SPTBN4: variants seen among roughly 807,000 people sequenced by gnomAD.
SPTBN4 encodes the protein spectrin beta chain, non-erythrocytic 4.
In SPTBN4, 96 loss-of-function variants were observed where a neutral mutation model predicts 277.8. That is an observed-to-expected ratio of 0.35 (90% CI 0.29 to 0.41). The LOEUF (loss-of-function observed/expected upper bound fraction) is 0.41. Ranked by LOEUF, SPTBN4 falls within the 10% of genes least tolerant of loss-of-function variation. SPTBN4 has a pLI of 1.00. For synonymous variants in SPTBN4, 1,481 were observed against 1,580.3 expected (o/e 0.94, Z 1.49); for missense variants, 3,006 against 3,595.7 (o/e 0.84, Z 4.19).
intron 13 of SPTBN4, among the ~76,000 whole-genome samples, chr19:40,512,175 A>G (rs1177734978): frequency 2.0e-5 from 3 of 152,250 alleles, no homozygotes; most frequent in Non-Finnish European, 4.4e-5. Context: ...CAGTTCTGAC[A>G]TAAGCACAAT....
chr19:40,554,037 G>A lies in SPTBN4; in HGVS notation c.4675-110G>A. The A allele has an allele frequency of 8.9e-7, 1 of 1,122,688 alleles. No individual in the cohort carries two copies. Among genetic ancestry groups the A allele is most frequent in the Non-Finnish European group, 1.2e-6 (1 of 843,854 alleles). 69.5% of individuals were successfully genotyped at this position (1,122,688 alleles called of 1,614,324 possible). A position where few individuals can be genotyped will look rare whatever the true frequency, so the allele number is the denominator to read the frequency against. ...CTTGGCACGTGGTTAGCGAGCTGGG[G>A]GTGCTTGTTAATTGCCCCGTGGGCC... is the stretch of plus-strand genomic sequence containing the variant. On this transcript the variant is annotated intron_variant, in intron 22 of 35. Transcript: ENST00000598249. The surrounding 1 kb of genome is among the most constrained non-coding windows in gnomAD (Gnocchi z 5.7).
chr19:40,572,061 G>A lies in SPTBN4; in HGVS notation c.7362G>A (p.Leu2454=). The part of the protein sequence containing the change: ...SLYCVLSKGE[L]GFYKDSKGPA... Reference sequence around the variant, plus strand: ...ACTGTGTGCTTAGTAAGGGGGAACTGGGCTTCTACAAGGACTCCAAGGGCC... The same window carrying A: ...ACTGTGTGCTTAGTAAGGGGGAACTAGGCTTCTACAAGGACTCCAAGGGCC... The change falls in exon 34 of 36, where the codon CTG becomes CTA. Residue 2454 remains leucine, a synonymous_variant. Transcript: ENST00000598249. 7 of 1,608,520 alleles carry A rather than the reference G, an allele frequency of 4.4e-6. No homozygotes were observed. The highest frequency in any genetic ancestry group is 5.9e-6 in the Non-Finnish European group (7 of 1,177,506).
Position 40,494,902 on chromosome 19 carries a change from C to G in SPTBN4, c.593C>G (p.Pro198Arg), listed in dbSNP as rs766729242. The stretch of plus-strand genomic sequence containing the variant: ...TTCTCCCTTCACCCTTCCAGTTACC[C>G]TGAGGTAAACATCCAGAATTTCACC... ...LWCQMKTAGY[P>R]EVNIQNFTTS... is the part of the protein sequence containing the mutation. Residue 198 changes from proline (P) to arginine (R), a missense_variant, in exon 6 of 36, where the codon CCT becomes CGT. This residue lies in a region of SPTBN4 where 1,759 missense variants were observed against 2,061.5 expected (regional missense o/e 0.85). Coordinates refer to ENST00000598249, the MANE Select transcript of SPTBN4 (RefSeq NM_020971.3). The G allele has an allele frequency of 6.2e-7, 1 of 1,614,070 alleles. No homozygotes were observed. The highest frequency in any genetic ancestry group is 1.1e-5 in the South Asian group (1 of 91,070).
Position 40,490,016 on chromosome 19 carries a change from A to C in SPTBN4, c.322-59A>C. ...GGCTTCTTTGGAAGCTGCGGGGCCG[A>C]GGGCGCCATACTCCTGTCTGTCCAG... is the stretch of plus-strand genomic sequence containing the variant. On this transcript the variant is annotated intron_variant, in intron 3 of 35. Transcript: ENST00000598249. The surrounding 1 kb of genome is among the most constrained non-coding windows in gnomAD (Gnocchi z 4.3). 6.7e-7 allele frequency: 1 copy of C among 1,484,020 alleles called. No homozygotes were observed. The highest frequency in any genetic ancestry group is 1.4e-5 in the South Asian group (1 of 72,554). 91.9% of individuals were successfully genotyped at this position (1,484,020 alleles called of 1,614,324 possible).
At chr19:40,566,611 G>A (rs970274845) in intron 30 of SPTBN4, among the ~76,000 whole-genome samples, 3 of 151,946 alleles carry the variant, frequency 2.0e-5, no homozygotes, top group Non-Finnish European at 4.4e-5. Context: ...GTGGGAGGGG[G>A]AACTGGCCTG....
At chr19:40,547,834 G>A (rs1465330434) in intron 20 of SPTBN4, among the ~76,000 whole-genome samples, 1 of 152,170 alleles carries the variant, frequency 6.6e-6, no homozygotes, top group Non-Finnish European at 1.5e-5. Context: ...GTATTTTTAT[G>A]TGATCAAATT....
At chr19:40,477,969 G>T (rs2079967852) in intron 2 of SPTBN4, among the ~76,000 whole-genome samples, 2 of 152,132 alleles carry the variant, frequency 1.3e-5, no homozygotes, top group Non-Finnish European at 2.9e-5. Context: ...CTCCTGAGTA[G>T]CTGGGATTAC....
chr19:40,467,399 C>A (rs985774723), intron 1 of SPTBN4, 94 bp downstream of exon 1: 1 of 152,408 alleles, frequency 6.6e-6, no homozygotes, highest in African/African-American at 2.4e-5. Context: ...GGCTGGAGCC[C>A]CGGGTCTCCC....
chr19:40,502,270 A>T lies in SPTBN4; in HGVS notation c.1040A>T (p.Gln347Leu). 1.2e-6 allele frequency: 2 copies of T among 1,613,770 alleles called. No homozygotes were observed. The highest frequency in any genetic ancestry group is 3.3e-4 in the Middle Eastern group (2 of 6,062). Residue 347 changes from glutamine (Q) to leucine (L), a missense_variant, in exon 9 of 36, where the codon CAA becomes CTA. Gln to Leu is a moderately radical substitution (Grantham distance 113, BLOSUM62 -2). This residue lies in a region of SPTBN4 where 1,759 missense variants were observed against 2,061.5 expected (regional missense o/e 0.85). Transcript: ENST00000598249. This position sits in a 1 kb window ranked among gnomAD's most constrained non-coding sequence, Gnocchi z 4.9. ...AACTCCTTAAGTGGGGTGCAGCAGC[A>T]ACTCCAGGCTTTCACGGCCTATTGC... Reference protein sequence around the residue: ...FANSLSGVQQQLQAFTAYCTL... With the variant: ...FANSLSGVQQLLQAFTAYCTL...
At chr19:40,497,741 C>T in intron 7 of SPTBN4, 137 bp downstream of exon 7, 3 of 700,712 alleles carry the variant, frequency 4.3e-6, no homozygotes, top group Non-Finnish European at 7.4e-6. Context: ...CTTTCCAAAT[C>T]CCAACTGTCT....
chr19:40,555,951 C>A, intron 24 of SPTBN4, 133 bp from the exon 25 acceptor site: 1 of 742,644 alleles, frequency 1.3e-6, no homozygotes, highest in Non-Finnish European at 2.1e-6. Context: ...AAACAGAGCT[C>A]TACCTGGGGA....
At chr19:40,565,301 T>A (rs1226698594) in intron 27 of SPTBN4, 122 bp from the exon 28 acceptor site, 11 of 1,094,096 alleles carry the variant, frequency 1.0e-5, no homozygotes, top group Admixed American at 4.9e-5. Flanking sequence ...GAAAAGAAAG[T>A]AAGTGTCTTG....
intron 2 of SPTBN4, among the ~76,000 whole-genome samples, chr19:40,477,930 C>A (rs1252585820): frequency 6.6e-6 from 1 of 152,102 alleles, no homozygotes; most frequent in East Asian, 1.9e-4. Context: ...CCTCCGCCTC[C>A]TGGGTTCAAG....
At position 40,557,294 on chromosome 19, in the gene SPTBN4, G is replaced by A. The variant is rs762520584; in HGVS notation, c.5561G>A (p.Arg1854Gln). Residue 1854 changes from arginine (R) to glutamine (Q), a missense_variant, in exon 26 of 36, where the codon CGG becomes CAG. Transcript: ENST00000598249. ...RELQGQIEEK[R>Q]RRLPRLTTPP... Reference sequence around the variant, plus strand: ...CTTCAGGGACAGATTGAGGAGAAGCGGAGGCGGCTGCCCCGCCTGACCACC... The same window carrying A: ...CTTCAGGGACAGATTGAGGAGAAGCAGAGGCGGCTGCCCCGCCTGACCACC... 10 of 1,613,408 alleles carry A rather than the reference G, an allele frequency of 6.2e-6. No individual in the cohort carries two copies. The highest frequency in any genetic ancestry group is 3.3e-5 in the Admixed American group (2 of 59,998).
rs1224481928 is a variant in SPTBN4, at chr19:40,526,233, C to T, written c.3857+2594C>T. Reference sequence around the variant, plus strand: ...TGTCACCCAGGCAGGAGTGTAGTGGCGCGATCTCGCCTCACTGCAACCTCT... The same window carrying T: ...TGTCACCCAGGCAGGAGTGTAGTGGTGCGATCTCGCCTCACTGCAACCTCT... On this transcript the variant is annotated intron_variant, in intron 17 of 35. Transcript: ENST00000598249. Among the ~76,000 whole-genome samples, 5 of 132,916 alleles carry T rather than the reference C, an allele frequency of 3.8e-5. No homozygotes were observed. The East Asian group carries it at 8.7e-4, about 23-fold the overall frequency. The allele number at this position is 132,916 out of a possible 152,430, so 87.2% of individuals were successfully genotyped here. A position where few individuals can be genotyped will look rare whatever the true frequency, so the allele number is the denominator to read the frequency against.
At position 40,502,271 on chromosome 19, in the gene SPTBN4, A is replaced by G. The variant is rs117958811; in HGVS notation, c.1041A>G (p.Gln347=). The G allele has an allele frequency of 4.2e-3, 6,767 of 1,613,014 alleles. 216 individuals are homozygous for G. In the East Asian group the frequency reaches 0.072, roughly 17 times the overall value. ...ACTCCTTAAGTGGGGTGCAGCAGCAACTCCAGGCTTTCACGGCCTATTGCA... is the reference window on the plus strand; with the variant it reads ...ACTCCTTAAGTGGGGTGCAGCAGCAGCTCCAGGCTTTCACGGCCTATTGCA... ...FANSLSGVQQ[Q]LQAFTAYCTL... is the part of the protein sequence containing the mutation. Residue 347 remains glutamine (Q), a synonymous_variant, in exon 9 of 36, where the codon CAA becomes CAG. Coordinates refer to ENST00000598249, the MANE Select transcript of SPTBN4 (RefSeq NM_020971.3). This position sits in a 1 kb window ranked among gnomAD's most constrained non-coding sequence, Gnocchi z 4.9.
At chr19:40,538,476 A>G (rs1397760029) in intron 20 of SPTBN4, among the ~76,000 whole-genome samples, 2 of 152,022 alleles carry the variant, frequency 1.3e-5, no homozygotes, top group Non-Finnish European at 2.9e-5. Context: ...ATAATACCCC[A>G]GACTCACTTT....
chr19:40,535,291 C>T (rs1217121572), intron 20 of SPTBN4, among the ~76,000 whole-genome samples: 1 of 152,082 alleles, frequency 6.6e-6, no homozygotes, highest in African/African-American at 2.4e-5. Context: ...CTCTTGGGCT[C>T]AAGCAACCCT....
At chr19:40,523,802 T>A (rs1369876586) in intron 17 of SPTBN4, among the ~76,000 whole-genome samples, 163 bp downstream of exon 17, 1 of 152,034 alleles carries the variant, frequency 6.6e-6, no homozygotes, top group Non-Finnish European at 1.5e-5. Context: ...TAGATTTGAT[T>A]TAAGTGGATT....
Sources: allele counts gnomAD v4.1 joint callset (sites outside exome capture counted in the v4.1 genomes callset), GRCh38; gene constraint gnomAD v4.1.1; regional missense constraint gnomAD v4.1.1; non-coding constraint Gnocchi (gnomAD v3.1); transcripts MANE v1.5; gene names NCBI Gene and HGNC (gene_info 2026-07-23, HGNC 2026-07-21).